GATD1: variants seen among roughly 807,000 people sequenced by gnomAD.
GATD1 encodes the protein glutamine amidotransferase-like class 1 domain-containing protein 1.
A neutral mutation model predicts 25.9 loss-of-function variants in GATD1; 23 were observed. That is an observed-to-expected ratio of 0.89 (90% confidence interval 0.64 to 1.26). The LOEUF is 1.26. Among genes scored for constraint, GATD1 ranks in the 50% most tolerant of loss-of-function variants. The probability of loss-of-function intolerance (pLI) is 0.00; values close to 1 mark genes in which losing one functional copy is unlikely to be tolerated. For synonymous variants in GATD1, 177 were observed against 134.6 expected (o/e 1.31, Z -2.18); for missense variants, 347 against 312.5 (o/e 1.11, Z -0.83).
chr11:772,633 C>G (rs4963160), intron 4 of GATD1, 112 bp from the exon 5 acceptor site: 122,659 of 955,378 alleles, frequency 0.13, 11,177 homozygotes, highest in African/African-American at 0.41. Flanking sequence ...TGCCTGGCCC[C>G]TCCTCCCAGG....
chr11:770,470 C>T lies in GATD1; in HGVS notation c.*427G>A. ...GCCGGCTGGGCCCTCCCCTCAAGGC[C>T]CCCACCAACAGTGAAAGAGGTGGTG... On this transcript the variant is annotated 3_prime_UTR_variant, in exon 8 of 8. Transcript: ENST00000319863. 1 of 1,454,898 alleles carries T rather than the reference C, an allele frequency of 6.9e-7. No individual in the cohort carries two copies. The highest frequency in any genetic ancestry group is 2.0e-4 in the Middle Eastern group (1 of 5,050). The allele number at this position is 1,454,898 out of a possible 1,614,324, so 90.1% of individuals were successfully genotyped here.
chr11:767,720 G>A lies in GATD1; in HGVS notation c.*3177C>T. The stretch of plus-strand genomic sequence containing the variant: ...GGAGGTCATCCGGTCACAGGGCAGG[G>A]GCACAGCCTCATCATGGGACCATCA... On this transcript the variant is annotated 3_prime_UTR_variant, in exon 8 of 8. Coordinates refer to ENST00000319863, the MANE Select transcript of GATD1 (RefSeq NM_182612.4). 3 of 761,594 alleles carry A rather than the reference G, an allele frequency of 3.9e-6. No individual in the cohort carries two copies. Among genetic ancestry groups the A allele is most frequent in the Non-Finnish European group, 3.4e-6 (2 of 592,266 alleles). The allele number at this position is 761,594 out of a possible 1,614,324, so 47.2% of individuals were successfully genotyped here.
intron 4 of GATD1, 26 bp from the exon 5 acceptor site, chr11:772,547 C>T (rs986800766): frequency 1.3e-6 from 2 of 1,598,754 alleles, no homozygotes; most frequent in African/African-American, 1.3e-5. Context: ...GGCGTTGAGG[C>T]CCTGGACCCC....
rs1476632442 is a variant in GATD1 at position 770,393 on chromosome 11, C to A, written c.*504G>T. 2 of 1,524,498 alleles carry A rather than the reference C, an allele frequency of 1.3e-6. No individual in the cohort carries two copies. The highest frequency in any genetic ancestry group is 1.8e-6 in the Non-Finnish European group (2 of 1,142,438). The allele number at this position is 1,524,498 out of a possible 1,614,324, so 94.4% of individuals were successfully genotyped here. On this transcript the variant is annotated 3_prime_UTR_variant, in exon 8 of 8. Coordinates refer to ENST00000319863, the MANE Select transcript of GATD1 (RefSeq NM_182612.4). ...CGGTCGGCCTTGGGGCAGGAGGCTG[C>A]TGCTCCTAAAAAATTCCGTTCACCT... is the stretch of plus-strand genomic sequence containing the variant.
Position 770,226 on chromosome 11 carries a change from T to C in GATD1, c.*671A>G, listed in dbSNP as rs1378566782. 2.9e-6 allele frequency: 4 copies of C among 1,382,654 alleles called. No individual in the cohort carries two copies. Among genetic ancestry groups the C allele is most frequent in the Non-Finnish European group, 3.8e-6 (4 of 1,063,532 alleles). 85.6% of individuals were successfully genotyped at this position (1,382,654 alleles called of 1,614,324 possible). A position where few individuals can be genotyped will look rare whatever the true frequency, so the allele number is the denominator to read the frequency against. ...TGCAAGGCCGTGGGGGACAGCACTT[T>C]CCTATCATTGAGAATCTCATGGTCT... On this transcript the variant is annotated 3_prime_UTR_variant, in exon 8 of 8. Transcript: ENST00000319863.
chr11:770,438 A>C lies in GATD1; in HGVS notation c.*459T>G. On this transcript the variant is annotated 3_prime_UTR_variant, in exon 8 of 8. Coordinates refer to ENST00000319863, the MANE Select transcript of GATD1 (RefSeq NM_182612.4). ...TCACCTTTGGCCAAAGTTCTGAGCCAGCTCCCGCCGGCTGGGCCCTCCCCT... is the reference window on the plus strand; with the variant it reads ...TCACCTTTGGCCAAAGTTCTGAGCCCGCTCCCGCCGGCTGGGCCCTCCCCT... 1 of 1,492,030 alleles carries C rather than the reference A, an allele frequency of 6.7e-7. No individual in the cohort carries two copies. Among genetic ancestry groups the C allele is most frequent in the Non-Finnish European group, 8.9e-7 (1 of 1,122,976 alleles). 92.4% of individuals were successfully genotyped at this position (1,492,030 alleles called of 1,614,324 possible).
At position 767,329 on chromosome 11, in the gene GATD1, T is replaced by C. The variant is rs1261337763; in HGVS notation, c.*3568A>G. Reference sequence around the variant, plus strand: ...CTGCTCTTCTGGAGGTCTGTCCTCTTGCTTTCCTCCTCTGCCCCAGCCTGG... The same window carrying C: ...CTGCTCTTCTGGAGGTCTGTCCTCTCGCTTTCCTCCTCTGCCCCAGCCTGG... On this transcript the variant is annotated 3_prime_UTR_variant, in exon 8 of 8. Coordinates refer to ENST00000319863, the MANE Select transcript of GATD1 (RefSeq NM_182612.4). The C allele has an allele frequency of 2.0e-6, 3 of 1,536,130 alleles. No homozygotes were observed. The highest frequency in any genetic ancestry group is 2.6e-6 in the Non-Finnish European group (3 of 1,146,936).
chr11:772,734 G>A (rs1319261216), intron 4 of GATD1: 1 of 589,138 alleles, frequency 1.7e-6, no homozygotes, highest in African/African-American at 1.9e-5. Context: ...TGGTGCTTCA[G>A]GACTAGGCTC....
At chr11:773,261 C>T (rs1863628616) in intron 4 of GATD1, 1 of 452,398 alleles carries the variant, frequency 2.2e-6, no homozygotes, top group South Asian at 2.6e-5. Context: ...CGGTGTCCTG[C>T]CTTGCTCAGG....
rs1415266628 is a variant in GATD1, at chr11:768,542, A to C, written c.*2355T>G. 1 of 152,192 alleles carries C rather than the reference A, an allele frequency of 6.6e-6. No homozygotes were observed. Among genetic ancestry groups the C allele is most frequent in the African/African-American group, 2.4e-5 (1 of 41,388 alleles). The allele number at this position is 152,192 out of a possible 1,614,324, so 9.4% of individuals were successfully genotyped here. A position where few individuals can be genotyped will look rare whatever the true frequency, so the allele number is the denominator to read the frequency against. On this transcript the variant is annotated 3_prime_UTR_variant, in exon 8 of 8. Transcript: ENST00000319863. ...GTGGTGTGCACCTGTAGTCCTAGCT[A>C]CTTGGGAGGCTGAGGCAGGAGAATC...
At position 770,469 on chromosome 11, in the gene GATD1, C is replaced by A; in HGVS notation, c.*428G>T. 6.9e-6 allele frequency: 10 copies of A among 1,455,122 alleles called. No individual in the cohort carries two copies. The highest frequency in any genetic ancestry group is 3.6e-6 in the Non-Finnish European group (4 of 1,103,584). 90.1% of individuals were successfully genotyped at this position (1,455,122 alleles called of 1,614,324 possible). A position where few individuals can be genotyped will look rare whatever the true frequency, so the allele number is the denominator to read the frequency against. On this transcript the variant is annotated 3_prime_UTR_variant, in exon 8 of 8. Coordinates refer to ENST00000319863, the MANE Select transcript of GATD1 (RefSeq NM_182612.4). ...CGCCGGCTGGGCCCTCCCCTCAAGG[C>A]CCCCACCAACAGTGAAAGAGGTGGT...
intron 3 of GATD1, 47 bp downstream of exon 3, chr11:773,961 C>A (rs761580465): frequency 3.2e-6 from 5 of 1,566,158 alleles, no homozygotes; most frequent in Non-Finnish European, 4.4e-6. Context: ...CCTTGACCCT[C>A]CAAGGTCCCA....
chr11:770,492 G>T lies in GATD1; in HGVS notation c.*405C>A, dbSNP rs923042441. ...GGCCCCCACCAACAGTGAAAGAGGT[G>T]GTGGGTGGCAGACAGGCCACAGCAG... On this transcript the variant is annotated 3_prime_UTR_variant, in exon 8 of 8. Transcript: ENST00000319863. The T allele has an allele frequency of 7.6e-6, 11 of 1,440,192 alleles. No homozygotes were observed. Among genetic ancestry groups the T allele is most frequent in the African/African-American group, 1.4e-5 (1 of 70,030 alleles). The allele number at this position is 1,440,192 out of a possible 1,614,324, so 89.2% of individuals were successfully genotyped here.
chr11:770,055 T>C lies in GATD1; in HGVS notation c.*842A>G. 8.6e-7 allele frequency: 1 copy of C among 1,160,188 alleles called. No homozygotes were observed. The highest frequency in any genetic ancestry group is 1.1e-6 in the Non-Finnish European group (1 of 942,858). The allele number at this position is 1,160,188 out of a possible 1,614,324, so 71.9% of individuals were successfully genotyped here. ...CCTTCGATGGCTCAAACTGGGGAACTGTGAGGAAGTAGAGGGCCTAAGCCT... is the reference window on the plus strand; with the variant it reads ...CCTTCGATGGCTCAAACTGGGGAACCGTGAGGAAGTAGAGGGCCTAAGCCT... On this transcript the variant is annotated 3_prime_UTR_variant, in exon 8 of 8. Coordinates refer to ENST00000319863, the MANE Select transcript of GATD1 (RefSeq NM_182612.4).
Position 767,745 on chromosome 11 carries a change from A to T in GATD1, c.*3152T>A. On this transcript the variant is annotated 3_prime_UTR_variant, in exon 8 of 8. Coordinates refer to ENST00000319863, the MANE Select transcript of GATD1 (RefSeq NM_182612.4). ...GGCACAGCCTCATCATGGGACCATC[A>T]CCCTCACAAAAGAGGTTGCATCTAC... is the stretch of plus-strand genomic sequence containing the variant. 1.9e-6 allele frequency: 1 copy of T among 533,488 alleles called. No individual in the cohort carries two copies. The highest frequency in any genetic ancestry group is 2.5e-6 in the Non-Finnish European group (1 of 396,738). 33.0% of individuals were successfully genotyped at this position (533,488 alleles called of 1,614,324 possible). A position where few individuals can be genotyped will look rare whatever the true frequency, so the allele number is the denominator to read the frequency against.
chr11:776,821 C>T (rs932563085), intron 1 of GATD1: 1 of 152,400 alleles, frequency 6.6e-6, no homozygotes, highest in Non-Finnish European at 1.5e-5. Context: ...GGACGCACCC[C>T]GCTGCGCTCC....
intron 5 of GATD1, 61 bp from the exon 6 acceptor site, chr11:771,487 T>A: frequency 6.8e-7 from 1 of 1,471,476 alleles, no homozygotes; most frequent in Non-Finnish European, 8.9e-7. Context: ...ACCCCAGGGG[T>A]CAGGAAGGTC....
Position 770,750 on chromosome 11 carries a change from G to A in GATD1, c.*147C>T. 1 of 1,500,874 alleles carries A rather than the reference G, an allele frequency of 6.7e-7. No individual in the cohort carries two copies. Among genetic ancestry groups the A allele is most frequent in the Non-Finnish European group, 8.8e-7 (1 of 1,130,828 alleles). 93.0% of individuals were successfully genotyped at this position (1,500,874 alleles called of 1,614,324 possible). ...GACACCCCCTCAGAGCTGATTCCAG[G>A]AGGCCTCCAACAATCCCATCAGGGC... On this transcript the variant is annotated 3_prime_UTR_variant, in exon 8 of 8. Transcript: ENST00000319863.
chr11:771,298 C>A, intron 6 of GATD1, 35 bp downstream of exon 6: 1 of 1,601,024 alleles, frequency 6.2e-7, no homozygotes, highest in Admixed American at 1.7e-5. Context: ...CCCACCCCAT[C>A]TTCTGTAAGT....
Sources: gnomAD v4.1 joint callset for allele counts on GRCh38, gnomAD v4.1.1 for gene constraint, MANE v1.5 for transcripts, NCBI Gene and HGNC (gene_info 2026-07-23, HGNC 2026-07-21) for gene names.